The following CSMD1 variants were observed in gnomAD, a reference collection of about 807,000 sequenced individuals.
CSMD1 encodes CUB and Sushi multiple domains 1, also known as CUB and sushi domain-containing protein 1.
CSMD1 carries 213 observed loss-of-function variants against 417.5 expected under a neutral mutation model. The observed-to-expected ratio is 0.51, with a 90% CI of 0.46 to 0.57. The LOEUF (loss-of-function observed/expected upper bound fraction) is 0.57. CSMD1 is among the 20% of genes least tolerant of loss of function. The pLI is 0.00. For synonymous variants in CSMD1, 2,862 were observed against 1,736.8 expected, an observed-to-expected ratio of 1.65 and a Z score of -16.11; for missense variants, 6,923 against 4,529.7, an observed-to-expected ratio of 1.53 and a Z score of -15.17.
At chr8:3,193,972 G>A (rs1342454736) in intron 33 of CSMD1, among the ~76,000 whole-genome samples, 2 of 152,170 alleles carry the variant, frequency 1.3e-5, no homozygotes, top group African/African-American at 4.8e-5. Context: ...GTGCATGTAG[G>A]ACTCACTTGC....
chr8:4,334,753 T>G (rs187971465), intron 3 of CSMD1, among the ~76,000 whole-genome samples: 1 of 152,314 alleles, frequency 6.6e-6, no homozygotes, highest in Admixed American at 6.5e-5. Flanking sequence ...CGCTCGACTC[T>G]ACTGTGTAGT....
intron 49 of CSMD1, among the ~76,000 whole-genome samples, chr8:3,076,794 A>T (rs996175209): frequency 6.6e-6 from 1 of 152,150 alleles, no homozygotes; most frequent in African/African-American, 2.4e-5. Context: ...AATGCTGGGG[A>T]TTCGAAGGTA....
chr8:4,103,392 C>A (rs1585318930), intron 3 of CSMD1, among the ~76,000 whole-genome samples: 1 of 151,174 alleles, frequency 6.6e-6, no homozygotes, highest in Non-Finnish European at 1.5e-5. Flanking sequence ...GAACCATTGG[C>A]CAAATTCTCT....
At chr8:4,268,842 A>G (rs1308876616) in intron 3 of CSMD1, among the ~76,000 whole-genome samples, 1 of 152,172 alleles carries the variant, frequency 6.6e-6, no homozygotes, top group Non-Finnish European at 1.5e-5. Flanking sequence ...TTAATATGGG[A>G]GAGATTTTCA....
At chr8:3,450,117 T>C (rs1815599741) in intron 12 of CSMD1, among the ~76,000 whole-genome samples, 1 of 152,154 alleles carries the variant, frequency 6.6e-6, no homozygotes, top group African/African-American at 2.4e-5. Context: ...CATGTATGTG[T>C]CCTGCACATC....
intron 3 of CSMD1, among the ~76,000 whole-genome samples, chr8:4,045,119 G>T (rs1350788992): frequency 6.6e-6 from 1 of 152,152 alleles, no homozygotes; most frequent in African/African-American, 2.4e-5. Context: ...GAACATGGCA[G>T]TCACCACCTG....
intron 8 of CSMD1, among the ~76,000 whole-genome samples, chr8:3,590,208 T>C (rs73489586): frequency 0.031 from 4,705 of 152,276 alleles, 220 homozygotes; most frequent in African/African-American, 0.11. Context: ...ATTAGGAAGA[T>C]AGGCACAACC....
At chr8:4,472,622 A>G (rs62479676) in intron 2 of CSMD1, among the ~76,000 whole-genome samples, 2,220 of 152,202 alleles carry the variant, frequency 0.015, 29 homozygotes, top group South Asian at 0.046. Context: ...ATATTCTGCA[A>G]ACAATAAGAA....
intron 9 of CSMD1, among the ~76,000 whole-genome samples, chr8:3,585,651 A>T (rs1584924327): frequency 6.6e-6 from 1 of 152,202 alleles, no homozygotes; most frequent in East Asian, 1.9e-4. Context: ...TTACTCTGCT[A>T]ACTATGTTAG....
chr8:4,164,095 T>A (rs937101657), intron 3 of CSMD1, among the ~76,000 whole-genome samples: 3 of 141,148 alleles, frequency 2.1e-5, no homozygotes, highest in African/African-American at 7.9e-5. Context: ...ATACTTATCA[T>A]GTTTTTAAAG....
intron 2 of CSMD1, among the ~76,000 whole-genome samples, chr8:4,438,064 T>C (rs560834152): frequency 2.0e-5 from 3 of 152,158 alleles, no homozygotes; most frequent in Non-Finnish European, 2.9e-5. Flanking sequence ...GAACAGCCAA[T>C]ATTCACACTC....
In CSMD1 at chr8:3,933,189, C is replaced by T. The variant is rs1165586808; in HGVS notation, c.818+64714G>A. On this transcript the variant is annotated intron_variant, in intron 5 of 69. Transcript: ENST00000635120. ...CTCCGTGGTAATACCTAGTGAATCTCCATTTTTTCCAAAACAATTTCTTGT... is the reference window on the plus strand; with the variant it reads ...CTCCGTGGTAATACCTAGTGAATCTTCATTTTTTCCAAAACAATTTCTTGT... Among the ~76,000 whole-genome samples, 10 of 135,666 alleles carry T rather than the reference C, an allele frequency of 7.4e-5. 1 individual carries two copies. The highest frequency in any genetic ancestry group is 9.9e-5 in the Non-Finnish European group (6 of 60,734). 89.0% of individuals were successfully genotyped at this position (135,666 alleles called of 152,430 possible).
At chr8:3,831,794 G>A (rs1192424378) in intron 5 of CSMD1, among the ~76,000 whole-genome samples, 2 of 152,142 alleles carry the variant, frequency 1.3e-5, no homozygotes, top group African/African-American at 2.4e-5. Context: ...TTGCTCACAC[G>A]CGGGACTGTG....
At chr8:3,349,156 G>A (rs1808221686) in intron 21 of CSMD1, among the ~76,000 whole-genome samples, 1 of 152,208 alleles carries the variant, frequency 6.6e-6, no homozygotes, top group Admixed American at 6.5e-5. Context: ...TCAGTTAGAT[G>A]CCAGGTATGT....
chr8:3,662,147 G>C (rs777056612), intron 7 of CSMD1, among the ~76,000 whole-genome samples: 2 of 152,148 alleles, frequency 1.3e-5, no homozygotes, highest in Non-Finnish European at 2.9e-5. Flanking sequence ...AAAAGATTTA[G>C]GCTATAGAGA....
intron 8 of CSMD1, among the ~76,000 whole-genome samples, chr8:3,604,299 CG>C (rs111728496): frequency 1.0e-4 from 15 of 150,352 alleles, no homozygotes; most frequent in South Asian, 4.3e-4. Context: ...AGGGAGGCTG[CG>C]GGGGGGGACC....
intron 41 of CSMD1, among the ~76,000 whole-genome samples, chr8:3,139,399 G>A (rs2129030224): frequency 6.6e-6 from 1 of 152,264 alleles, no homozygotes; most frequent in East Asian, 1.9e-4. Context: ...GAGATTTTCT[G>A]GCCCCTGAAG....
intron 6 of CSMD1, among the ~76,000 whole-genome samples, chr8:3,752,529 C>T (rs1289463988): frequency 6.6e-6 from 1 of 151,766 alleles, no homozygotes; most frequent in Non-Finnish European, 1.5e-5. Flanking sequence ...TGGTCTGCAC[C>T]TGTATTCCCA....
intron 23 of CSMD1, among the ~76,000 whole-genome samples, chr8:3,309,999 A>G (rs17320223): frequency 0.021 from 3,274 of 152,322 alleles, 43 homozygotes; most frequent in East Asian, 0.036. Flanking sequence ...ACCCTGATCT[A>G]TTTAAGAGAC....
Sources: allele counts gnomAD v4.1 joint callset (sites outside exome capture counted in the v4.1 genomes callset), GRCh38; gene constraint gnomAD v4.1.1; transcripts MANE v1.5; gene names NCBI Gene and HGNC (gene_info 2026-07-23, HGNC 2026-07-21).